Variants in TTC27 observed in about 807,000 individuals in gnomAD.
TTC27 encodes tetratricopeptide repeat protein 27.
A neutral mutation model predicts 115.9 loss-of-function variants in TTC27; 79 were observed. That is an observed-to-expected ratio of 0.68 (90% CI 0.57 to 0.82). TTC27 has a LOEUF of 0.82. Ranked by LOEUF, TTC27 falls within the 40% of genes least tolerant of loss-of-function variation. The pLI, the probability that TTC27 is intolerant of heterozygous loss-of-function variation, is 0.00. For missense variants in TTC27, 1,054 were observed against 993.1 expected, an observed-to-expected ratio of 1.06 and a Z score of -0.82; for synonymous variants, 401 against 356.0, an observed-to-expected ratio of 1.13 and a Z score of -1.42.
intron 9 of TTC27, among the ~76,000 whole-genome samples, chr2:32,695,079 T>G (rs1158985229): frequency 6.6e-6 from 1 of 152,156 alleles, no homozygotes; most frequent in Non-Finnish European, 1.5e-5. Context: ...TTTTTAAGGG[T>G]ACAGTTCAGT....
chr2:32,733,639 G>A (rs140838695), intron 10 of TTC27, among the ~76,000 whole-genome samples, 189 bp from the exon 11 acceptor site: 39 of 152,284 alleles, frequency 2.6e-4, no homozygotes, highest in African/African-American at 9.4e-4. Context: ...TTATGTAAAT[G>A]TGGATTAGGT....
At chr2:32,721,131 G>T (rs973509076) in intron 10 of TTC27, among the ~76,000 whole-genome samples, 1 of 152,064 alleles carries the variant, frequency 6.6e-6, no homozygotes, top group African/African-American at 2.4e-5. Context: ...TTGATTTTAT[G>T]CTTATTTTCA....
At chr2:32,677,393 A>T (rs1374280842) in intron 8 of TTC27, among the ~76,000 whole-genome samples, 1 of 152,056 alleles carries the variant, frequency 6.6e-6, no homozygotes, top group Non-Finnish European at 1.5e-5. Flanking sequence ...CTCTCTATCT[A>T]GGATGGAAGT....
At chr2:32,658,574 C>A (rs557480733) in intron 5 of TTC27, among the ~76,000 whole-genome samples, 2 of 152,334 alleles carry the variant, frequency 1.3e-5, no homozygotes, top group Admixed American at 6.5e-5. Flanking sequence ...GGAAAACTGT[C>A]ATCAGCCTTT....
intron 9 of TTC27, among the ~76,000 whole-genome samples, chr2:32,681,235 A>G (rs1202642130): frequency 6.6e-6 from 1 of 152,178 alleles, no homozygotes; most frequent in Non-Finnish European, 1.5e-5. Flanking sequence ...AGAAACTTCT[A>G]TGTGAGGAGG....
intron 9 of TTC27, among the ~76,000 whole-genome samples, chr2:32,695,906 A>ACAAAT (rs1553552152): frequency 1.3e-5 from 2 of 149,224 alleles, no homozygotes; most frequent in African/African-American, 5.0e-5. Context: ...CTCCATCTCA[A>ACAAAT]AAAATAAAAT....
Position 32,682,844 on chromosome 2 carries a change from GTTGTTTTTTT to G in TTC27, c.1119+3925_1119+3934del, listed in dbSNP as rs1282900266. Among the ~76,000 whole-genome samples, 259 of 56,986 alleles carry G rather than the reference GTTGTTTTTTT, an allele frequency of 4.5e-3. 9 individuals are homozygous for G. The highest frequency in any genetic ancestry group is 0.016 in the African/African-American group (211 of 13,304). 37.4% of individuals were successfully genotyped at this position (56,986 alleles called of 152,430 possible). On this transcript the variant is annotated intron_variant, in intron 9 of 19. Transcript: ENST00000317907. The stretch of plus-strand genomic sequence containing the variant: ...CCACCACACCCGGATAATTTTTATT[GTTGTTTTTTT>G]TTTTTTTTTTTTTTTTGAGACAGAG...
At chr2:32,815,227 T>TA in intron 18 of TTC27, among the ~76,000 whole-genome samples, 1 of 85,782 alleles carries the variant, frequency 1.2e-5, no homozygotes, top group Non-Finnish European at 2.3e-5. Context: ...CTTCAGATTT[T>TA]TTTTTTTTTT....
In TTC27 at chr2:32,664,552, A is replaced by T. The variant is rs1020573132; in HGVS notation, c.805+85A>T. ...GCAGTTTGTATTGTATGTTGGTATT[A>T]GATTTTCTATATCCTATTTGCTTTA... On this transcript the variant is annotated intron_variant, in intron 6 of 19. Transcript: ENST00000317907. The T allele has an allele frequency of 2.5e-6, 3 of 1,188,960 alleles. No individual in the cohort carries two copies. In the African/African-American group the frequency reaches 4.7e-5, roughly 19 times the overall value. 73.7% of individuals were successfully genotyped at this position (1,188,960 alleles called of 1,614,324 possible). A position where few individuals can be genotyped will look rare whatever the true frequency, so the allele number is the denominator to read the frequency against.
chr2:32,676,638 T>C (rs1040679103), intron 8 of TTC27, among the ~76,000 whole-genome samples: 10 of 151,632 alleles, frequency 6.6e-5, no homozygotes, highest in African/African-American at 1.9e-4. Flanking sequence ...TTATAGGCAC[T>C]TGGCACCATG....
At position 32,628,199 on chromosome 2, in the gene TTC27, C is replaced by A; in HGVS notation, c.-94C>A. 1 of 1,199,936 alleles carries A rather than the reference C, an allele frequency of 8.3e-7. No individual in the cohort carries two copies. The highest frequency in any genetic ancestry group is 1.3e-5 in the South Asian group (1 of 75,512). 74.3% of individuals were successfully genotyped at this position (1,199,936 alleles called of 1,614,324 possible). ...TACGGTAACTGTCGCCACTAGATTTCAGCGCCTTTGGACTCTCCTGTTTTC... is the reference window on the plus strand; with the variant it reads ...TACGGTAACTGTCGCCACTAGATTTAAGCGCCTTTGGACTCTCCTGTTTTC... On this transcript the variant is annotated 5_prime_UTR_variant, in exon 1 of 20. Transcript: ENST00000317907.
At chr2:32,820,495 G>C (rs3769557) in intron 19 of TTC27, among the ~76,000 whole-genome samples, 100,328 of 152,096 alleles carry the variant, frequency 0.66, 34,179 homozygotes, top group African/African-American at 0.84. Flanking sequence ...AATAAATAAA[G>C]TCATTTTGTT....
chr2:32,816,965 A>T (rs184738293), intron 18 of TTC27, among the ~76,000 whole-genome samples: 1 of 152,178 alleles, frequency 6.6e-6, no homozygotes, highest in East Asian at 1.9e-4. Flanking sequence ...TTATTTGTCT[A>T]TGCACATGTG....
chr2:32,787,630 AG>A (rs1670393257), intron 16 of TTC27, among the ~76,000 whole-genome samples: 1 of 152,180 alleles, frequency 6.6e-6, no homozygotes, highest in Admixed American at 6.6e-5. Flanking sequence ...GGTGGAATAA[AG>A]TTATCCCTCC....
chr2:32,635,827 T>A (rs1664402834), intron 3 of TTC27, among the ~76,000 whole-genome samples: 1 of 152,168 alleles, frequency 6.6e-6, no homozygotes. Flanking sequence ...AATAATTAAC[T>A]CTTTGCATAT....
intron 12 of TTC27, among the ~76,000 whole-genome samples, chr2:32,755,629 C>CAGAGAG (rs1553315918): frequency 6.7e-6 from 1 of 150,300 alleles, no homozygotes; most frequent in Admixed American, 6.6e-5. Context: ...CGTGGGGAGA[C>CAGAGAG]GGAGAGGGAG....
Position 32,812,547 on chromosome 2 carries a change from C to G in TTC27, c.2240C>G (p.Ser747Cys), listed in dbSNP as rs375712116. 1 of 1,613,914 alleles carries G rather than the reference C, an allele frequency of 6.2e-7. No individual in the cohort carries two copies. Among genetic ancestry groups the G allele is most frequent in the Non-Finnish European group, 8.5e-7 (1 of 1,179,962 alleles). The change falls in exon 18 of 20, where the codon TCC becomes TGC. Residue 747 changes from serine to cysteine, a missense_variant. Ser to Cys is a moderately radical substitution (Grantham distance 112). Transcript: ENST00000317907. ...AAGGCATACAAGTGTGACACCCAGT[C>G]CAATTGTTGGGAGAAAGATATTACA... ...LSKAYKCDTQSNCWEKDITSF... is the reference protein window; with the variant it reads ...LSKAYKCDTQCNCWEKDITSF...
At chr2:32,778,437 A>T (rs1670069954) in intron 14 of TTC27, among the ~76,000 whole-genome samples, 1 of 152,188 alleles carries the variant, frequency 6.6e-6, no homozygotes, top group Non-Finnish European at 1.5e-5. Context: ...TTAGCTTTAG[A>T]TCATCTTTAT....
chr2:32,734,748 C>T (rs1668398108), intron 11 of TTC27, among the ~76,000 whole-genome samples: 1 of 152,160 alleles, frequency 6.6e-6, no homozygotes, highest in Non-Finnish European at 1.5e-5. Flanking sequence ...TCTACATGAA[C>T]TAGGTTTCTA....
Sources: gnomAD v4.1 joint callset for allele counts (sites outside exome capture counted in the v4.1 genomes callset) on GRCh38, gnomAD v4.1.1 for gene constraint, MANE v1.5 for transcripts, NCBI Gene and HGNC (gene_info 2026-07-23, HGNC 2026-07-21) for gene names.